COL23A1: variants seen among roughly 807,000 people sequenced by gnomAD.
COL23A1 encodes collagen type XXIII alpha 1 chain.
Under a neutral mutation model 99.3 loss-of-function variants are expected in COL23A1, and 97 were observed. The ratio of observed to expected loss-of-function variants is 0.98; its 90% CI spans 0.83 to 1.16. The LOEUF is 1.16. COL23A1 is among the 50% of genes most tolerant of loss of function. COL23A1 has a pLI of 0.00. For synonymous variants in COL23A1, 320 were observed against 308.2 expected (o/e 1.04, Z -0.40); for missense variants, 762 against 757.4 (o/e 1.01, Z -0.07).
chr5:178,412,824 T>C (rs1364548821), intron 2 of COL23A1, among the ~76,000 whole-genome samples: 1 of 152,214 alleles, frequency 6.6e-6, no homozygotes, highest in Non-Finnish European at 1.5e-5. Context: ...TGATTCCTTT[T>C]TTCCTTGACT....
At chr5:178,546,206 C>CG (rs1014738446) in intron 2 of COL23A1, among the ~76,000 whole-genome samples, 7 of 152,142 alleles carry the variant, frequency 4.6e-5, no homozygotes, top group African/African-American at 7.2e-5. Context: ...TATGGGGTGG[C>CG]GGGGGGCAGA....
rs563748676 is a variant in COL23A1, at chr5:178,482,549, A to G, written c.361+78133T>C. Among the ~76,000 whole-genome samples the G allele has an allele frequency of 9.2e-5, 14 of 152,298 alleles. No individual in the cohort carries two copies. In the East Asian group the frequency reaches 2.5e-3, roughly 27 times the overall value. On this transcript the variant is annotated intron_variant, in intron 2 of 28. Coordinates refer to ENST00000390654, the MANE Select transcript of COL23A1 (RefSeq NM_173465.4). ...TGGATGGTGGTGATGGCTGAACAAC[A>G]ATGTGAATGCAGTTAATGCCACTGA...
At chr5:178,530,898 G>A (rs1343678455) in intron 2 of COL23A1, among the ~76,000 whole-genome samples, 1 of 151,838 alleles carries the variant, frequency 6.6e-6, no homozygotes, top group Non-Finnish European at 1.5e-5. Flanking sequence ...GTAGAGTTTT[G>A]CTCTTGTCGC....
chr5:178,417,307 A>G (rs537478513), intron 2 of COL23A1, among the ~76,000 whole-genome samples: 12 of 152,334 alleles, frequency 7.9e-5, no homozygotes, highest in Admixed American at 7.8e-4. Flanking sequence ...GTGTGCACAC[A>G]CATGCCAATC....
intron 2 of COL23A1, among the ~76,000 whole-genome samples, chr5:178,466,082 T>C (rs949819452): frequency 9.2e-5 from 14 of 152,148 alleles, no homozygotes; most frequent in African/African-American, 3.4e-4. Flanking sequence ...AATCTCATCT[T>C]GGGAGACACA....
chr5:178,547,475 ACCCACACACAC>A (rs1761653452), intron 2 of COL23A1, among the ~76,000 whole-genome samples: 1 of 131,398 alleles, frequency 7.6e-6, no homozygotes, highest in African/African-American at 2.9e-5. Context: ...ACACCCACAC[ACCCACACACAC>A]ACCCACACAT....
rs262029 is a variant in COL23A1 at position 178,589,217 on chromosome 5, G to A, written c.294+687C>T. Among the ~76,000 whole-genome samples the A allele has an allele frequency of 0.63, 95,412 of 151,938 alleles. 30,749 individuals are homozygous for A. Among genetic ancestry groups the A allele is most frequent in the African/African-American group, 0.77 (31,886 of 41,446 alleles). On this transcript the variant is annotated intron_variant, in intron 1 of 28. Coordinates refer to ENST00000390654, the MANE Select transcript of COL23A1 (RefSeq NM_173465.4). This position sits in a 1 kb window ranked among gnomAD's most constrained non-coding sequence, Gnocchi z 5.4. ...GTCGCGATTCCCAGGTAAGGGACGG[G>A]AAACTCCGGATGTCCTGCGAGCCCA...
chr5:178,401,255 G>A (rs73803028), intron 2 of COL23A1, among the ~76,000 whole-genome samples: 8,310 of 152,306 alleles, frequency 0.055, 730 homozygotes, highest in African/African-American at 0.18. Context: ...TTCATCCATT[G>A]ATGGACATTG....
At chr5:178,326,530 G>A (rs1759673772) in intron 2 of COL23A1, among the ~76,000 whole-genome samples, 1 of 152,104 alleles carries the variant, frequency 6.6e-6, no homozygotes, top group South Asian at 2.1e-4. Context: ...AGAAGAAACC[G>A]TGAACATGTG....
intron 11 of COL23A1, among the ~76,000 whole-genome samples, chr5:178,260,094 G>A (rs1389582044): frequency 2.0e-5 from 3 of 152,200 alleles, no homozygotes; most frequent in African/African-American, 7.2e-5. Flanking sequence ...GAGGACCAGA[G>A]CCCGCCTCCC....
chr5:178,538,016 C>G (rs1247098258), intron 2 of COL23A1, among the ~76,000 whole-genome samples: 1 of 152,242 alleles, frequency 6.6e-6, no homozygotes, highest in African/African-American at 2.4e-5. Flanking sequence ...CGAATTCATC[C>G]ACGTTTGCAG....
intron 11 of COL23A1, among the ~76,000 whole-genome samples, chr5:178,261,357 T>C (rs1581474438): frequency 6.6e-6 from 1 of 152,028 alleles, no homozygotes. Flanking sequence ...GAGGCTGCAG[T>C]GAGCTGTGAT....
chr5:178,451,065 T>C (rs936595683), intron 2 of COL23A1, among the ~76,000 whole-genome samples: 21 of 152,220 alleles, frequency 1.4e-4, no homozygotes, highest in African/African-American at 4.8e-4. Flanking sequence ...CAGAACTCAA[T>C]TATCAACTTC....
At chr5:178,248,288 G>A (rs368049371) in intron 19 of COL23A1, 34 bp from the exon 20 acceptor site, 75 of 1,567,426 alleles carry the variant, frequency 4.8e-5, no homozygotes, top group African/African-American at 6.8e-5. Flanking sequence ...AGTCCTTTGT[G>A]TCCAGCACCT....
At chr5:178,335,853 T>C (rs1455646012) in intron 2 of COL23A1, among the ~76,000 whole-genome samples, 1 of 152,226 alleles carries the variant, frequency 6.6e-6, no homozygotes, top group Non-Finnish European at 1.5e-5. Flanking sequence ...TCTTGCAAAA[T>C]GCCAGTTTGC....
chr5:178,387,205 AATGGCCCCCACACACAGCCTCACCGAG>A lies in COL23A1; in HGVS notation c.362-80313_362-80287del, dbSNP rs1763721242. Reference sequence around the variant, plus strand: ...TCACAGCAACCCTGCCCGAGTCTTCAATGGCCCCCACACACAGCCTCACCGAGGAAAGCCACGTTCTGTAGCCTGGTG... The same window carrying A: ...TCACAGCAACCCTGCCCGAGTCTTCAGAAAGCCACGTTCTGTAGCCTGGTG... On this transcript the variant is annotated intron_variant, in intron 2 of 28. Transcript: ENST00000390654. The surrounding 1 kb of genome is among the most constrained non-coding windows in gnomAD (Gnocchi z 4.7). 6.6e-6 allele frequency among the ~76,000 whole-genome samples: 1 copy of A among 151,796 alleles called. No individual in the cohort carries two copies. Among genetic ancestry groups the A allele is most frequent in the Admixed American group, 6.6e-5 (1 of 15,230 alleles).
intron 2 of COL23A1, among the ~76,000 whole-genome samples, chr5:178,430,733 T>A (rs1766214250): frequency 6.6e-6 from 1 of 152,182 alleles, no homozygotes; most frequent in Non-Finnish European, 1.5e-5. Context: ...ATAATCCATT[T>A]GCTTGATTCA....
chr5:178,393,409 T>A (rs575228391), intron 2 of COL23A1, among the ~76,000 whole-genome samples: 7 of 152,262 alleles, frequency 4.6e-5, no homozygotes, highest in African/African-American at 1.7e-4. Context: ...GCTTAATGGG[T>A]GCAGAGTTTT....
At chr5:178,361,167 T>A (rs939487143) in intron 2 of COL23A1, among the ~76,000 whole-genome samples, 8 of 152,350 alleles carry the variant, frequency 5.3e-5, no homozygotes, top group African/African-American at 1.4e-4. Context: ...AAATATATTT[T>A]AAAATGAAAC....
Sources: allele counts gnomAD v4.1 joint callset (sites outside exome capture counted in the v4.1 genomes callset), GRCh38; gene constraint gnomAD v4.1.1; non-coding constraint Gnocchi (gnomAD v3.1); transcripts MANE v1.5; gene names NCBI Gene and HGNC (gene_info 2026-07-23, HGNC 2026-07-21).